GTF3C5: variants seen among roughly 807,000 people sequenced by gnomAD.
GTF3C5 encodes the protein general transcription factor 3C polypeptide 5.
GTF3C5 carries 47 observed loss-of-function variants against 61.0 expected under a neutral mutation model. The ratio of observed to expected loss-of-function variants is 0.77; its 90% confidence interval spans 0.61 to 0.98. GTF3C5 has a LOEUF of 0.98. Among genes scored for constraint, GTF3C5 ranks in the 50% least tolerant of loss-of-function variants. The pLI is 0.00. For missense variants in GTF3C5, 659 were observed against 703.3 expected (o/e 0.94, Z 0.71); for synonymous variants, 295 against 275.4 (o/e 1.07, Z -0.71).
At chr9:133,057,735 C>T (rs2073821) in intron 10 of GTF3C5, 79 bp from the exon 11 acceptor site, 162,770 of 1,383,200 alleles carry the variant, frequency 0.12, 12,282 homozygotes, top group East Asian at 0.29. Context: ...TAAACAGGCT[C>T]CCCAGAGCCT....
rs897130126 is a variant in GTF3C5 at position 133,043,741 on chromosome 9, C to G, written c.387C>G (p.Phe129Leu). 11 of 1,613,914 alleles carry G rather than the reference C, an allele frequency of 6.8e-6. No individual in the cohort carries two copies. Among genetic ancestry groups the G allele is most frequent in the Non-Finnish European group, 8.5e-6 (10 of 1,179,922 alleles). ...TIYKFQGMSD[F>L]QYLAVHTEAG... ...CTCTCTTTCTAGGGATGTCTGACTT[C>G]CAGTACTTGGCTGTGCATACGGAAG... is the stretch of plus-strand genomic sequence containing the variant. The change falls in exon 3 of 11, where the codon TTC becomes TTG. Residue 129 changes from phenylalanine (F) to leucine (L), a missense_variant. Coordinates refer to ENST00000372097, the MANE Select transcript of GTF3C5 (RefSeq NM_012087.4).
In GTF3C5 at chr9:133,054,316, A is replaced by G. The variant is rs1002741870; in HGVS notation, c.989-92A>G. On this transcript the variant is annotated intron_variant, in intron 6 of 10. Transcript: ENST00000372097. ...GGTTGCCCTCTCAGGAGCTGGCCCC[A>G]TGGACCCAACTCCCATCTCCAGTGT... is the stretch of plus-strand genomic sequence containing the variant. 33 of 1,075,102 alleles carry G rather than the reference A, an allele frequency of 3.1e-5. No homozygotes were observed. The Admixed American group carries it at 4.2e-4, about 14-fold the overall frequency. The allele number at this position is 1,075,102 out of a possible 1,614,324, so 66.6% of individuals were successfully genotyped here.
Position 133,047,591 on chromosome 9 carries a change from G to A in GTF3C5, c.573-3192G>A, listed in dbSNP as rs1225785614. On this transcript the variant is annotated intron_variant, in intron 3 of 10. Transcript: ENST00000372097. ...GGCTGGAATGCAGTGGCGCGATCTC[G>A]GCTCACTGCAACCTCTGCCTCCCAG... is the stretch of plus-strand genomic sequence containing the variant. Among the ~76,000 whole-genome samples the A allele has an allele frequency of 3.3e-5, 5 of 151,404 alleles. No homozygotes were observed. The East Asian group carries it at 5.8e-4, about 18-fold the overall frequency.
chr9:133,031,640 T>C (rs1034739993), intron 1 of GTF3C5, among the ~76,000 whole-genome samples: 1 of 152,202 alleles, frequency 6.6e-6, no homozygotes, highest in Non-Finnish European at 1.5e-5. Flanking sequence ...AAGGCAAATT[T>C]CCTTCTATAG....
intron 3 of GTF3C5, among the ~76,000 whole-genome samples, chr9:133,049,435 TG>T (rs1393140872): frequency 1.3e-5 from 2 of 152,262 alleles, no homozygotes; most frequent in African/African-American, 2.4e-5. Flanking sequence ...TGCTATTCTT[TG>T]TAAGTGTGCA....
At chr9:133,040,249 C>CTGAGAAGAAG (rs1330938369) in intron 1 of GTF3C5, among the ~76,000 whole-genome samples, 13 of 152,166 alleles carry the variant, frequency 8.5e-5, no homozygotes, top group Admixed American at 8.5e-4. Context: ...TCCTGAGAAC[C>CTGAGAAGAAG]AAGTCTTCTT....
rs374887172 is a variant in GTF3C5 at position 133,054,413 on chromosome 9, G to A, written c.994G>A (p.Ala332Thr). 3.1e-5 allele frequency: 50 copies of A among 1,613,842 alleles called. No individual in the cohort carries two copies. The highest frequency in any genetic ancestry group is 4.2e-5 in the Non-Finnish European group (49 of 1,179,910). ...TTGCCCGCCCTCGCCTACAGGTTAC[G>A]CCCCCAGTGACTTGCCGGTCAAAGC... The part of the protein sequence containing the change: ...RIRCGMKHGY[A>T]PSDLPVKAKR... The change falls in exon 7 of 11, where the codon GCC (alanine) becomes ACC (threonine). Residue 332 changes from alanine to threonine, a missense_variant. Coordinates refer to ENST00000372097, the MANE Select transcript of GTF3C5 (RefSeq NM_012087.4).
At chr9:133,039,039 A>G (rs1449769824) in intron 1 of GTF3C5, among the ~76,000 whole-genome samples, 1 of 152,188 alleles carries the variant, frequency 6.6e-6, no homozygotes, top group Non-Finnish European at 1.5e-5. Context: ...GAACCCTACC[A>G]GGTAGGAACT....
At chr9:133,033,499 A>G (rs1378208392) in intron 1 of GTF3C5, among the ~76,000 whole-genome samples, 1 of 152,182 alleles carries the variant, frequency 6.6e-6, no homozygotes, top group Admixed American at 6.5e-5. Context: ...GTCCCCAAGG[A>G]ATGCCAAATT....
chr9:133,055,784 C>T, intron 8 of GTF3C5: 1 of 1,365,768 alleles, frequency 7.3e-7, no homozygotes, highest in South Asian at 1.6e-5. Context: ...TTTCCAGTGG[C>T]CCCAGGAGGG....
In GTF3C5 at chr9:133,043,943, T is replaced by C; in HGVS notation, c.572+17T>C. On this transcript the variant is annotated intron_variant, in intron 3 of 10. Transcript: ENST00000372097. ...CCAGCACCGGTAAGGCCCCCCTCCA[T>C]GCAGCCTCGGTTCTCTATCCTGAAA... 3 of 1,592,174 alleles carry C rather than the reference T, an allele frequency of 1.9e-6. No individual in the cohort carries two copies. The highest frequency in any genetic ancestry group is 2.2e-5 in the East Asian group (1 of 44,758).
intron 3 of GTF3C5, among the ~76,000 whole-genome samples, chr9:133,045,477 C>G (rs1017979696): frequency 6.6e-6 from 1 of 152,162 alleles, no homozygotes; most frequent in African/African-American, 2.4e-5. Context: ...TGGATGCTCC[C>G]CAGAAGTAGC....
chr9:133,041,298 C>T (rs929824424), intron 1 of GTF3C5, among the ~76,000 whole-genome samples: 7 of 152,188 alleles, frequency 4.6e-5, no homozygotes, highest in African/African-American at 9.7e-5. Context: ...CGCAGTTATC[C>T]GGGGGACTGT....
Position 133,050,789 on chromosome 9 carries a change from C to G in GTF3C5, c.579C>G (p.Gly193=). 4 of 1,612,498 alleles carry G rather than the reference C, an allele frequency of 2.5e-6. No individual in the cohort carries two copies. The highest frequency in any genetic ancestry group is 3.4e-6 in the Non-Finnish European group (4 of 1,178,890). ...FYRPETQHRE[G]YNNPPISGEN... ...CTGTACTCTCTGCCCCCAGGGAAGG[C>G]TACAACAATCCCCCCATCTCAGGTG... Residue 193 remains glycine, a synonymous_variant, in exon 4 of 11, where the codon GGC becomes GGG. Coordinates refer to ENST00000372097, the MANE Select transcript of GTF3C5 (RefSeq NM_012087.4).
At chr9:133,055,378 C>T (rs1829906453) in intron 8 of GTF3C5, 2 of 1,308,290 alleles carry the variant, frequency 1.5e-6, no homozygotes, top group Non-Finnish European at 2.0e-6. Context: ...ATGAGTGCAG[C>T]AGAGACGGGT....
At chr9:133,041,276 G>A (rs1850030707) in intron 1 of GTF3C5, among the ~76,000 whole-genome samples, 1 of 152,224 alleles carries the variant, frequency 6.6e-6, no homozygotes, top group Non-Finnish European at 1.5e-5. Flanking sequence ...CCTGACATCA[G>A]TCAGACCTGC....
At position 133,044,020 on chromosome 9, in the gene GTF3C5, C is replaced by G. The variant is rs550342411; in HGVS notation, c.572+94C>G. The G allele has an allele frequency of 8.2e-5, 72 of 883,066 alleles. No homozygotes were observed. In the African/African-American group the frequency reaches 1.1e-3, roughly 13 times the overall value. 54.7% of individuals were successfully genotyped at this position (883,066 alleles called of 1,614,324 possible). A position where few individuals can be genotyped will look rare whatever the true frequency, so the allele number is the denominator to read the frequency against. ...ACACACTGGGCGTGGTGGTGCACACCTGTAATTCCAGCTACTCGGGAGGCT... is the reference window on the plus strand; with the variant it reads ...ACACACTGGGCGTGGTGGTGCACACGTGTAATTCCAGCTACTCGGGAGGCT... On this transcript the variant is annotated intron_variant, in intron 3 of 10. Coordinates refer to ENST00000372097, the MANE Select transcript of GTF3C5 (RefSeq NM_012087.4).
chr9:133,054,635 G>A, intron 7 of GTF3C5, 77 bp from the exon 8 acceptor site: 2 of 1,442,436 alleles, frequency 1.4e-6, no homozygotes, highest in South Asian at 2.4e-5. Flanking sequence ...GCTGGCAGGA[G>A]GGCAGGGCAT....
At chr9:133,046,869 T>TG (rs975570978) in intron 3 of GTF3C5, among the ~76,000 whole-genome samples, 1 of 151,934 alleles carries the variant, frequency 6.6e-6, no homozygotes, top group African/African-American at 2.4e-5. Flanking sequence ...AAAGGAAGGC[T>TG]GGGGAGGCTG....
Sources: gnomAD v4.1 joint callset for allele counts (sites outside exome capture counted in the v4.1 genomes callset) on GRCh38, gnomAD v4.1.1 for gene constraint, MANE v1.5 for transcripts, NCBI Gene and HGNC (gene_info 2026-07-23, HGNC 2026-07-21) for gene names.